The following PLEKHA2 variants were observed in gnomAD, a reference collection of about 807,000 sequenced individuals.
PLEKHA2 encodes the protein pleckstrin homology domain containing A2.
Under a neutral mutation model 53.2 loss-of-function variants are expected in PLEKHA2, and 28 were observed. That is an observed-to-expected ratio of 0.53 (90% CI 0.39 to 0.72). The LOEUF is 0.72. Among genes scored for constraint, PLEKHA2 ranks in the 30% least tolerant of loss-of-function variants. The pLI, the probability that PLEKHA2 is intolerant of heterozygous loss-of-function variation, is 0.00. For synonymous variants in PLEKHA2, 193 were observed against 196.4 expected (o/e 0.98, Z 0.14); for missense variants, 426 against 537.9 (o/e 0.79, Z 2.06).
At chr8:38,937,647 G>A (rs568115482) in intron 3 of PLEKHA2, among the ~76,000 whole-genome samples, 2 of 152,238 alleles carry the variant, frequency 1.3e-5, no homozygotes, top group East Asian at 1.9e-4. Flanking sequence ...GCCCCTTCCC[G>A]AGAAAGGCAG....
chr8:38,952,109 G>A, intron 6 of PLEKHA2, 57 bp from the exon 7 acceptor site: 2 of 1,566,516 alleles, frequency 1.3e-6, no homozygotes, highest in South Asian at 1.2e-5. Flanking sequence ...GGAGGTAGGT[G>A]GGGCTGTGGC....
At chr8:38,934,229 G>A (rs1834450422) in intron 2 of PLEKHA2, among the ~76,000 whole-genome samples, 1 of 151,912 alleles carries the variant, frequency 6.6e-6, no homozygotes, top group South Asian at 2.1e-4. Flanking sequence ...CAGAGTCCTG[G>A]TCTCAAGCAG....
At chr8:38,918,685 G>T (rs533160469) in intron 2 of PLEKHA2, among the ~76,000 whole-genome samples, 1 of 111,796 alleles carries the variant, frequency 8.9e-6, no homozygotes. Context: ...ACACCCCCAC[G>T]CACACCACAC....
chr8:38,924,682 G>T (rs1424303323), intron 2 of PLEKHA2, among the ~76,000 whole-genome samples: 1 of 152,202 alleles, frequency 6.6e-6, no homozygotes, highest in African/African-American at 2.4e-5. Context: ...GCAGGCCATG[G>T]AAGGCACAGC....
At chr8:38,954,592 A>C (rs769245223) in intron 9 of PLEKHA2, among the ~76,000 whole-genome samples, 37 of 152,180 alleles carry the variant, frequency 2.4e-4, no homozygotes, top group Non-Finnish European at 3.8e-4. Context: ...CAGGGAAGGA[A>C]GGTCCTTAGG....
rs1834091678 is a variant in PLEKHA2, at chr8:38,918,008, C to T, written c.79C>T (p.Arg27Trp). ...GCATGAGAACAGCGGCAAGTTTCTGCGGAGGTACTTCATTCTGGACACCCA... is the reference window on the plus strand; with the variant it reads ...GCATGAGAACAGCGGCAAGTTTCTGTGGAGGTACTTCATTCTGGACACCCA... The part of the protein sequence containing the change: ...EEHENSGKFL[R>W]RYFILDTQAN... Residue 27 changes from arginine to tryptophan, a missense_variant, in exon 2 of 12, where the codon CGG becomes TGG. Transcript: ENST00000617275. 1.2e-6 allele frequency: 2 copies of T among 1,613,540 alleles called. No homozygotes were observed. The highest frequency in any genetic ancestry group is 8.5e-7 in the Non-Finnish European group (1 of 1,179,664).
At chr8:38,908,557 C>T (rs974844661) in intron 1 of PLEKHA2, among the ~76,000 whole-genome samples, 1 of 152,314 alleles carries the variant, frequency 6.6e-6, no homozygotes, top group South Asian at 2.1e-4. Context: ...TAAAGTAACA[C>T]ATGCTCCCTG....
Position 38,970,681 on chromosome 8 carries a change from C to T in PLEKHA2, c.*898C>T, listed in dbSNP as rs1197388807. On this transcript the variant is annotated 3_prime_UTR_variant, in exon 12 of 12. Transcript: ENST00000617275. ...GGGCGTGGTGGTGCAGGCCTGTAAT[C>T]CCAGCTACTCAGAGGCTGAGGCAGG... 1 of 153,942 alleles carries T rather than the reference C, an allele frequency of 6.5e-6. No individual in the cohort carries two copies. Among genetic ancestry groups the T allele is most frequent in the East Asian group, 1.9e-4 (1 of 5,216 alleles). The allele number at this position is 153,942 out of a possible 1,614,324, so 9.5% of individuals were successfully genotyped here.
At chr8:38,941,200 G>A (rs1436930587) in intron 3 of PLEKHA2, among the ~76,000 whole-genome samples, 1 of 152,062 alleles carries the variant, frequency 6.6e-6, no homozygotes, top group African/African-American at 2.4e-5. Flanking sequence ...GGGATTACAG[G>A]CATGTGCCAC....
At chr8:38,913,408 G>T (rs1264487787) in intron 1 of PLEKHA2, among the ~76,000 whole-genome samples, 4 of 151,178 alleles carry the variant, frequency 2.6e-5, no homozygotes, top group African/African-American at 9.7e-5. Context: ...GATGAATCCT[G>T]CAGGCTAAAA....
intron 10 of PLEKHA2, among the ~76,000 whole-genome samples, chr8:38,961,901 G>A (rs1238701841): frequency 1.3e-5 from 2 of 152,196 alleles, no homozygotes; most frequent in Non-Finnish European, 2.9e-5. Flanking sequence ...AGTCTTTTCT[G>A]TTAAGAAAAG....
chr8:38,914,502 G>A (rs950418787), intron 1 of PLEKHA2, among the ~76,000 whole-genome samples: 3 of 152,254 alleles, frequency 2.0e-5, no homozygotes, highest in Admixed American at 2.0e-4. Context: ...GTCCCGTTGT[G>A]GGGGATGGCC....
chr8:38,970,642 A>C lies in PLEKHA2; in HGVS notation c.*859A>C, dbSNP rs1293973023. ...TGAAACCCCGCCTCTACTAAAAAAT[A>C]TGCAAAATTAGCCGGGCGTGGTGGT... is the stretch of plus-strand genomic sequence containing the variant. On this transcript the variant is annotated 3_prime_UTR_variant, in exon 12 of 12. Coordinates refer to ENST00000617275, the MANE Select transcript of PLEKHA2 (RefSeq NM_021623.2). The C allele has an allele frequency of 1.2e-5, 2 of 161,860 alleles. No individual in the cohort carries two copies. Among genetic ancestry groups the C allele is most frequent in the East Asian group, 3.8e-4 (2 of 5,280 alleles). 10.0% of individuals were successfully genotyped at this position (161,860 alleles called of 1,614,324 possible). A position where few individuals can be genotyped will look rare whatever the true frequency, so the allele number is the denominator to read the frequency against.
At chr8:38,917,268 T>C (rs900664053) in intron 1 of PLEKHA2, among the ~76,000 whole-genome samples, 1 of 152,230 alleles carries the variant, frequency 6.6e-6, no homozygotes, top group Admixed American at 6.5e-5. Context: ...GTGCAGAAGC[T>C]TTTTAACTTG....
intron 10 of PLEKHA2, among the ~76,000 whole-genome samples, chr8:38,965,273 G>A (rs1835115032): frequency 6.6e-6 from 1 of 152,200 alleles, no homozygotes; most frequent in Non-Finnish European, 1.5e-5. Flanking sequence ...ACAGTTCCTG[G>A]AGAAGGAGTT....
intron 9 of PLEKHA2, among the ~76,000 whole-genome samples, chr8:38,955,595 G>GA (rs1219522493): frequency 1.3e-5 from 2 of 152,096 alleles, no homozygotes; most frequent in Non-Finnish European, 2.9e-5. Context: ...ATGTAGTCAG[G>GA]ATTCACCCCA....
intron 2 of PLEKHA2, among the ~76,000 whole-genome samples, chr8:38,932,234 G>A (rs141307161): frequency 2.5e-4 from 38 of 152,290 alleles, no homozygotes; most frequent in South Asian, 8.3e-4. Context: ...GGCCTCAAGC[G>A]ATCCTCCCAC....
At chr8:38,952,087 A>G in intron 6 of PLEKHA2, 79 bp from the exon 7 acceptor site, 1 of 1,494,504 alleles carries the variant, frequency 6.7e-7, no homozygotes, top group Non-Finnish European at 9.1e-7. Context: ...GAGGCCAGAG[A>G]TTCAGGCAGA....
intron 2 of PLEKHA2, among the ~76,000 whole-genome samples, chr8:38,925,521 C>T (rs929388444): frequency 6.6e-6 from 1 of 152,156 alleles, no homozygotes; most frequent in Non-Finnish European, 1.5e-5. Context: ...CCAAAAAATA[C>T]GTAGTTGCTT....
Sources: gnomAD v4.1 joint callset for allele counts (sites outside exome capture counted in the v4.1 genomes callset) on GRCh38, gnomAD v4.1.1 for gene constraint, MANE v1.5 for transcripts, NCBI Gene and HGNC (gene_info 2026-07-23, HGNC 2026-07-21) for gene names.